The following SMARCA2 variants were observed in gnomAD, a reference collection of about 807,000 sequenced individuals.
SMARCA2 encodes the protein SWI/SNF-related matrix-associated actin-dependent regulator of chromatin subfamily A member 2.
SMARCA2 carries 61 observed loss-of-function variants against 199.8 expected under a neutral mutation model. The ratio of observed to expected loss-of-function variants is 0.31; its 90% CI spans 0.25 to 0.38. SMARCA2 has a LOEUF of 0.38. SMARCA2 is among the 10% of genes least tolerant of loss of function. The probability of loss-of-function intolerance (pLI) is 1.00; values close to 1 mark genes in which losing one functional copy is unlikely to be tolerated. For synonymous variants in SMARCA2, 935 were observed against 732.0 expected (o/e 1.28, Z -4.48); for missense variants, 1,344 against 2,012.2 (o/e 0.67, Z 6.35).
intron 32 of SMARCA2, among the ~76,000 whole-genome samples, chr9:2,190,601 T>C (rs934654100): frequency 1.3e-5 from 2 of 151,406 alleles, no homozygotes; most frequent in African/African-American, 2.4e-5. Flanking sequence ...TTATATTCTA[T>C]AGAGAGACTT....
intron 29 of SMARCA2, chr9:2,181,171 T>C (rs1429741624): frequency 6.7e-6 from 1 of 149,556 alleles, no homozygotes; most frequent in Admixed American, 7.0e-5. Context: ...GGAAATACAA[T>C]GTTTAAATAT....
In SMARCA2 at chr9:2,110,751, C is replaced by G. The variant is rs1320011265; in HGVS notation, c.3456+334C>G. Among the ~76,000 whole-genome samples, 1 of 152,130 alleles carries G rather than the reference C, an allele frequency of 6.6e-6. No homozygotes were observed. Among genetic ancestry groups the G allele is most frequent in the Non-Finnish European group, 1.5e-5 (1 of 68,020 alleles). Reference sequence around the variant, plus strand: ...TCATAGCAGTAAGAACAATAGCAACCATCATTCATGGGACCCTTAATCTGT... The same window carrying G: ...TCATAGCAGTAAGAACAATAGCAACGATCATTCATGGGACCCTTAATCTGT... On this transcript the variant is annotated intron_variant, in intron 24 of 33. Coordinates refer to ENST00000349721, the MANE Select transcript of SMARCA2 (RefSeq NM_003070.5). The surrounding 1 kb of genome is among the most constrained non-coding windows in gnomAD (Gnocchi z 4.8).
In SMARCA2 at chr9:2,056,869, C is replaced by A; in HGVS notation, c.1347+24C>A. 1.2e-6 allele frequency: 2 copies of A among 1,605,132 alleles called. No individual in the cohort carries two copies. The highest frequency in any genetic ancestry group is 2.2e-5 in the South Asian group (2 of 90,160). ...AGGTTCTTAGACCCTGGGCTTTGCT[C>A]ACCCTCACTTTGGCAGAGCTGTCCA... On this transcript the variant is annotated intron_variant, in intron 7 of 33. Coordinates refer to ENST00000349721, the MANE Select transcript of SMARCA2 (RefSeq NM_003070.5). The surrounding 1 kb of genome is among the most constrained non-coding windows in gnomAD (Gnocchi z 4.0).
At position 2,110,027 on chromosome 9, in the gene SMARCA2, G is replaced by A. The variant is rs76034180; in HGVS notation, c.3293-227G>A. ...GTAAGGATTTTGTAAAATTTGTGAA[G>A]TTGCGAAGATGCCTCATTAGAAATG... On this transcript the variant is annotated intron_variant, in intron 23 of 33. Transcript: ENST00000349721. This position sits in a 1 kb window ranked among gnomAD's most constrained non-coding sequence, Gnocchi z 4.8. Among the ~76,000 whole-genome samples the A allele has an allele frequency of 6.4e-4, 97 of 152,296 alleles. 1 individual carries two copies. The East Asian group carries it at 0.018, about 28-fold the overall frequency.
chr9:2,159,124 G>C, intron 27 of SMARCA2: 3 of 1,015,674 alleles, frequency 3.0e-6, no homozygotes, highest in Non-Finnish European at 4.3e-6. Flanking sequence ...CAGATTTAGA[G>C]ATTTAAAAGT....
chr9:2,098,152 C>T (rs898377281), intron 21 of SMARCA2, among the ~76,000 whole-genome samples: 7 of 152,210 alleles, frequency 4.6e-5, no homozygotes, highest in Non-Finnish European at 8.8e-5. Flanking sequence ...ATTGTATTCC[C>T]CATTTGTCAT....
At chr9:2,028,704 A>G (rs549208527) in intron 1 of SMARCA2, among the ~76,000 whole-genome samples, 2 of 152,318 alleles carry the variant, frequency 1.3e-5, no homozygotes, top group African/African-American at 4.8e-5. Flanking sequence ...AATTCTGCTT[A>G]TGTGTTAAAT....
intron 32 of SMARCA2, among the ~76,000 whole-genome samples, chr9:2,187,315 C>G (rs1827538653): frequency 6.6e-6 from 1 of 152,118 alleles, no homozygotes; most frequent in African/African-American, 2.4e-5. Context: ...TTGTTTGACC[C>G]TAGTTCCAGC....
chr9:2,142,701 G>A (rs1824523286), intron 27 of SMARCA2, among the ~76,000 whole-genome samples: 1 of 152,228 alleles, frequency 6.6e-6, no homozygotes, highest in Non-Finnish European at 1.5e-5. Context: ...TTAAAGAGGT[G>A]AGGCTGGAGT....
intron 29 of SMARCA2, among the ~76,000 whole-genome samples, chr9:2,175,005 A>C (rs1826476676): frequency 6.7e-6 from 1 of 150,108 alleles, no homozygotes; most frequent in Non-Finnish European, 1.5e-5. Flanking sequence ...GTGGAAGGGA[A>C]CGTGTGGGTT....
rs765745579 is a variant in SMARCA2 at position 2,029,159 on chromosome 9, C to G, written c.137C>G (p.Pro46Arg). Residue 46 changes from proline to arginine, a missense_variant, in exon 2 of 34, where the codon CCA becomes CGA. Around this residue, in one of 18 missense-constraint regions of SMARCA2, gnomAD observed 275 missense variants for 247.5 expected, o/e 1.11. Transcript: ENST00000349721. ...GGTTCCGTCCACAGCATGATGGGGC[C>G]AAGTCCTGGACCTCCAAGTGTCTCC... ...SPGSVHSMMG[P>R]SPGPPSVSHP... 1 of 1,613,106 alleles carries G rather than the reference C, an allele frequency of 6.2e-7. No individual in the cohort carries two copies. The highest frequency in any genetic ancestry group is 1.1e-5 in the South Asian group (1 of 90,672).
At chr9:2,139,149 C>A (rs1461183308) in intron 27 of SMARCA2, among the ~76,000 whole-genome samples, 2 of 152,176 alleles carry the variant, frequency 1.3e-5, no homozygotes, top group Non-Finnish European at 2.9e-5. Flanking sequence ...ACTGTAATCA[C>A]CCAACAGGTC....
intron 14 of SMARCA2, among the ~76,000 whole-genome samples, chr9:2,080,599 C>G (rs116338761): frequency 7.9e-5 from 12 of 152,288 alleles, no homozygotes; most frequent in African/African-American, 2.2e-4. Flanking sequence ...CCCCTCTTTC[C>G]CTCTATCTTT....
chr9:2,056,430 C>T lies in SMARCA2; in HGVS notation c.1174-242C>T, dbSNP rs1295551270. Among the ~76,000 whole-genome samples, 3 of 152,146 alleles carry T rather than the reference C, an allele frequency of 2.0e-5. No homozygotes were observed. The highest frequency in any genetic ancestry group is 2.9e-5 in the Non-Finnish European group (2 of 68,018). On this transcript the variant is annotated intron_variant, in intron 6 of 33. Coordinates refer to ENST00000349721, the MANE Select transcript of SMARCA2 (RefSeq NM_003070.5). This position sits in a 1 kb window ranked among gnomAD's most constrained non-coding sequence, Gnocchi z 4.0. ...ACATCTTTTCTTTCTTTTACTGTTA[C>T]AGTACTATAATTGCTTTTGATTTGA...
At chr9:2,180,113 G>A (rs767536839) in intron 29 of SMARCA2, among the ~76,000 whole-genome samples, 17 of 152,146 alleles carry the variant, frequency 1.1e-4, no homozygotes, top group Non-Finnish European at 2.4e-4. Context: ...GGTTGAGAGG[G>A]TGAGAGAACA....
At chr9:2,141,941 C>G (rs561051893) in intron 27 of SMARCA2, among the ~76,000 whole-genome samples, 2 of 152,096 alleles carry the variant, frequency 1.3e-5, no homozygotes, top group Non-Finnish European at 2.9e-5. Flanking sequence ...GGAGGACTTA[C>G]GCAGAATTGA....
chr9:2,111,812 A>G (rs1823018484), intron 24 of SMARCA2, among the ~76,000 whole-genome samples: 1 of 152,166 alleles, frequency 6.6e-6, no homozygotes, highest in Non-Finnish European at 1.5e-5. Flanking sequence ...GGAGATTCTG[A>G]AATAGATTCT....
At position 2,123,242 on chromosome 9, in the gene SMARCA2, T is replaced by C. The variant is rs910461556; in HGVS notation, c.3763-477T>C. Among the ~76,000 whole-genome samples the C allele has an allele frequency of 4.1e-4, 56 of 135,208 alleles. No individual in the cohort carries two copies. Among genetic ancestry groups the C allele is most frequent in the Admixed American group, 2.6e-3 (36 of 14,022 alleles). The allele number at this position is 135,208 out of a possible 152,430, so 88.7% of individuals were successfully genotyped here. On this transcript the variant is annotated intron_variant, in intron 26 of 33. Coordinates refer to ENST00000349721, the MANE Select transcript of SMARCA2 (RefSeq NM_003070.5). The surrounding 1 kb of genome is among the most constrained non-coding windows in gnomAD (Gnocchi z 4.1). ...TCTGTACTGATACCTTGGGTCCCCC[T>C]TTTTTTTTTATTGCTGATTGTTTAG... is the stretch of plus-strand genomic sequence containing the variant.
intron 1 of SMARCA2, chr9:2,022,017 C>CCCGGCGAGAT (rs1818626489): frequency 2.0e-5 from 3 of 148,408 alleles, no homozygotes; most frequent in African/African-American, 5.2e-5. Context: ...CGTGGAAAGA[C>CCCGGCGAGAT]CAATGTACCT....
Sources: allele counts gnomAD v4.1 joint callset (sites outside exome capture counted in the v4.1 genomes callset), GRCh38; gene constraint gnomAD v4.1.1; regional missense constraint gnomAD v4.1.1; non-coding constraint Gnocchi (gnomAD v3.1); transcripts MANE v1.5; gene names NCBI Gene and HGNC (gene_info 2026-07-23, HGNC 2026-07-21).